Variants in XPO7 observed in about 807,000 individuals in gnomAD.
The protein encoded by XPO7 is exportin 7.
Under a neutral mutation model 144.3 loss-of-function variants are expected in XPO7, and 21 were observed. That is an observed-to-expected ratio of 0.15 (90% CI 0.10 to 0.21). XPO7 has a LOEUF of 0.21. XPO7 is among the 10% of genes least tolerant of loss of function. XPO7 has a pLI of 1.00. For synonymous variants in XPO7, 580 were observed against 499.6 expected, an observed-to-expected ratio of 1.16 and a Z score of -2.15; for missense variants, 808 against 1,325.8, an observed-to-expected ratio of 0.61 and a Z score of 6.06.
At chr8:21,954,736 C>T (rs1280061867) in intron 1 of XPO7, among the ~76,000 whole-genome samples, 1 of 152,186 alleles carries the variant, frequency 6.6e-6, no homozygotes, top group Non-Finnish European at 1.5e-5. Context: ...AAATAAATAG[C>T]TCTTGGAAAC....
At position 21,948,553 on chromosome 8, in the gene XPO7, A is replaced by G. The variant is rs142985122; in HGVS notation, c.19-18304A>G. On this transcript the variant is annotated intron_variant, in intron 1 of 27. Coordinates refer to ENST00000252512, the MANE Select transcript of XPO7 (RefSeq NM_015024.5). ...CCCATCGATAACGCAAGGCATGACT[A>G]TACTTTAAAGGAGTTTTTAAATGTT... 5.1e-4 allele frequency among the ~76,000 whole-genome samples: 78 copies of G among 152,326 alleles called. 1 individual carries two copies. In the East Asian group the frequency reaches 0.01, roughly 20 times the overall value.
chr8:21,994,496 G>A (rs778063668), intron 20 of XPO7, 45 bp downstream of exon 20: 3 of 1,556,456 alleles, frequency 1.9e-6, no homozygotes, highest in South Asian at 2.3e-5. Flanking sequence ...TGCCTTAACT[G>A]GAGTGTGATT....
intron 1 of XPO7, among the ~76,000 whole-genome samples, chr8:21,943,209 T>C (rs191988968): frequency 6.6e-6 from 1 of 152,210 alleles, no homozygotes; most frequent in South Asian, 2.1e-4. Context: ...TATCCAGCAC[T>C]CTCGGGTTAA....
chr8:21,977,005 A>G (rs1210902117), intron 7 of XPO7, among the ~76,000 whole-genome samples: 1 of 152,234 alleles, frequency 6.6e-6, no homozygotes, highest in African/African-American at 2.4e-5. Context: ...GAGTAATCTC[A>G]TAGATCCCCC....
At chr8:21,976,046 C>A (rs1258390849) in intron 6 of XPO7, among the ~76,000 whole-genome samples, 1 of 152,142 alleles carries the variant, frequency 6.6e-6, no homozygotes, top group Non-Finnish European at 1.5e-5. Context: ...ACCACAGGAG[C>A]CATATTGCTT....
intron 1 of XPO7, among the ~76,000 whole-genome samples, chr8:21,920,123 C>T (rs1160760573): frequency 6.7e-6 from 1 of 150,244 alleles, no homozygotes; most frequent in Non-Finnish European, 1.5e-5. Context: ...GGCCCCCCCG[C>T]CCGCCCCCCG....
chr8:21,990,846 G>C lies in XPO7; in HGVS notation c.1968G>C (p.Gln656His), dbSNP rs1292074809. The C allele has an allele frequency of 1.2e-6, 2 of 1,613,838 alleles. No individual in the cohort carries two copies. Among genetic ancestry groups the C allele is most frequent in the Non-Finnish European group, 1.7e-6 (2 of 1,179,860 alleles). The change falls in exon 18 of 28, where the codon CAG (glutamine) becomes CAC (histidine). Residue 656 changes from glutamine to histidine, a missense_variant. Physicochemically the swap from Gln to His is conservative, Grantham distance 24. Around this residue, in one of 5 missense-constraint regions of XPO7, gnomAD observed 416 missense variants for 612.5 expected, o/e 0.68. Coordinates refer to ENST00000252512, the MANE Select transcript of XPO7 (RefSeq NM_015024.5). ...EHFSFLGINN[Q>H]SNLTDMRCRT... is the part of the protein sequence containing the mutation. ...TTTCATTTTTGGGTATTAACAATCA[G>C]TCCAACCTGACAGACATGCGGTGTC... is the stretch of plus-strand genomic sequence containing the variant.
At chr8:21,985,534 G>A in intron 12 of XPO7, 52 bp from the exon 13 acceptor site, 1 of 1,517,852 alleles carries the variant, frequency 6.6e-7, no homozygotes, top group Non-Finnish European at 9.2e-7. Flanking sequence ...AGTGAGGAAT[G>A]TCTTCAAGAA....
intron 16 of XPO7, among the ~76,000 whole-genome samples, chr8:21,989,670 A>G (rs1014120458): frequency 1.3e-5 from 2 of 152,058 alleles, no homozygotes; most frequent in Non-Finnish European, 1.5e-5. Flanking sequence ...TTCATTATAC[A>G]CAATATATGC....
chr8:21,985,497 A>G, intron 12 of XPO7, 89 bp from the exon 13 acceptor site: 1 of 1,198,760 alleles, frequency 8.3e-7, no homozygotes, highest in Non-Finnish European at 1.2e-6. Flanking sequence ...GTTTCACCAC[A>G]GTGTTCTTAA....
At position 21,960,016 on chromosome 8, in the gene XPO7, T is replaced by C. The variant is rs1448128373; in HGVS notation, c.19-6841T>C. Among the ~76,000 whole-genome samples the C allele has an allele frequency of 4.6e-5, 7 of 152,186 alleles. No homozygotes were observed. The East Asian group carries it at 1.2e-3, about 25-fold the overall frequency. ...TGTTGTCCTATCATGCATGACACTT[T>C]TTAAGTTTGACATCCAGGAATGAAC... On this transcript the variant is annotated intron_variant, in intron 1 of 27. Coordinates refer to ENST00000252512, the MANE Select transcript of XPO7 (RefSeq NM_015024.5).
intron 5 of XPO7, 118 bp downstream of exon 5, chr8:21,972,059 T>A: frequency 1.1e-6 from 1 of 888,104 alleles, no homozygotes. Flanking sequence ...GGTAAGTGAT[T>A]AATGCCCTTT....
chr8:21,924,994 G>A (rs1810413008), intron 1 of XPO7, among the ~76,000 whole-genome samples: 1 of 152,202 alleles, frequency 6.6e-6, no homozygotes, highest in African/African-American at 2.4e-5. Context: ...ACATTGAATT[G>A]AGCATCACAA....
At chr8:21,934,844 T>G (rs892670094) in intron 1 of XPO7, among the ~76,000 whole-genome samples, 2 of 152,202 alleles carry the variant, frequency 1.3e-5, no homozygotes, top group African/African-American at 4.8e-5. Context: ...GGAAAAAGCA[T>G]GGAGTGAAGC....
At chr8:21,931,667 C>G (rs546254839) in intron 1 of XPO7, among the ~76,000 whole-genome samples, 2 of 152,292 alleles carry the variant, frequency 1.3e-5, no homozygotes, top group South Asian at 4.1e-4. Context: ...TTGAATAAAT[C>G]ATGAATTGTT....
intron 1 of XPO7, 50 bp downstream of exon 1, chr8:21,919,838 G>A (rs772844717): frequency 7.5e-5 from 27 of 357,916 alleles, no homozygotes; most frequent in African/African-American, 5.9e-4. Context: ...GCGGCGAGTG[G>A]AGTCGGGGGT....
At chr8:21,967,898 G>A (rs1032833073) in intron 2 of XPO7, among the ~76,000 whole-genome samples, 4 of 152,188 alleles carry the variant, frequency 2.6e-5, no homozygotes, top group Non-Finnish European at 5.9e-5. Context: ...TCTTGGGAAG[G>A]GTGGGATCCC....
At chr8:21,998,933 G>A in intron 22 of XPO7, 96 bp downstream of exon 22, 2 of 1,491,290 alleles carry the variant, frequency 1.3e-6, no homozygotes, top group Non-Finnish European at 1.9e-6. Flanking sequence ...CCTGGCAGGA[G>A]CCAGGACAGC....
At position 21,981,882 on chromosome 8, in the gene XPO7, G is replaced by A; in HGVS notation, c.1104+5G>A. 7 of 1,611,826 alleles carry A rather than the reference G, an allele frequency of 4.3e-6. No homozygotes were observed. Among genetic ancestry groups the A allele is most frequent in the Non-Finnish European group, 5.1e-6 (6 of 1,178,094 alleles). On this transcript the variant is annotated splice_donor_5th_base_variant and intron_variant, in intron 10 of 27. Transcript: ENST00000252512. The stretch of plus-strand genomic sequence containing the variant: ...TTCACAGTGACCAGCCTACAGGTTT[G>A]TCTTTGATTACTTGTGTCTTCCTTC...
Sources: gnomAD v4.1 joint callset for allele counts (sites outside exome capture counted in the v4.1 genomes callset) on GRCh38, gnomAD v4.1.1 for gene constraint, gnomAD v4.1.1 regional missense constraint, MANE v1.5 for transcripts, NCBI Gene and HGNC (gene_info 2026-07-23, HGNC 2026-07-21) for gene names.